Variants in PFKFB3 observed in about 807,000 individuals in gnomAD.
The protein encoded by PFKFB3 is 6-phosphofructo-2-kinase/fructose-2,6-bisphosphatase 3.
PFKFB3 carries 33 observed loss-of-function variants against 68.0 expected under a neutral mutation model. That is an observed-to-expected ratio of 0.49 (90% CI 0.37 to 0.65). The LOEUF (loss-of-function observed/expected upper bound fraction) is 0.65. Among genes scored for constraint, PFKFB3 ranks in the 30% least tolerant of loss-of-function variants. The probability of loss-of-function intolerance (pLI) is 0.00; values close to 1 mark genes in which losing one functional copy is unlikely to be tolerated. For missense variants in PFKFB3, 586 were observed against 712.2 expected (o/e 0.82, Z 2.02); for synonymous variants, 315 against 288.2 (o/e 1.09, Z -0.94).
chr10:6,299,100 T>C, the PFKFB3 span, among the ~76,000 whole-genome samples: 1 of 152,350 alleles, frequency 6.6e-6, no homozygotes, highest in Admixed American at 6.5e-5. Flanking sequence ...TTTCCTGGTG[T>C]TTCCTTTGTA....
At chr10:6,280,573 C>T in the PFKFB3 span, among the ~76,000 whole-genome samples, 2 of 152,174 alleles carry the variant, frequency 1.3e-5, no homozygotes, top group East Asian at 3.9e-4. Context: ...CAATCCTGGC[C>T]ATGGAATTTG....
chr10:6,292,456 T>G, the PFKFB3 span, among the ~76,000 whole-genome samples: 1 of 151,010 alleles, frequency 6.6e-6, no homozygotes, highest in Non-Finnish European at 1.5e-5. Context: ...AGCTAATTTT[T>G]TTGTATTTTT....
chr10:6,207,042 C>T (rs544968766), intron 1 of PFKFB3, among the ~76,000 whole-genome samples: 20 of 151,452 alleles, frequency 1.3e-4, no homozygotes, highest in East Asian at 3.9e-4. Context: ...GGGTGGCGGC[C>T]GGGCAGAGGC....
chr10:6,191,577 GC>G (rs950739080), intron 1 of PFKFB3, among the ~76,000 whole-genome samples: 1 of 152,102 alleles, frequency 6.6e-6, no homozygotes, highest in East Asian at 1.9e-4. Flanking sequence ...GGGGGCTCGG[GC>G]CCCCCCTAGA....
intron 4 of PFKFB3, among the ~76,000 whole-genome samples, chr10:6,216,403 G>A (rs537150412): frequency 6.6e-6 from 1 of 152,338 alleles, no homozygotes; most frequent in South Asian, 2.1e-4. Flanking sequence ...GGGCGGGCAG[G>A]ACTCGAGTTA....
chr10:6,228,687 A>G lies in PFKFB3; in HGVS notation c.1515+2322A>G, dbSNP rs997419936. On this transcript the variant is annotated intron_variant, in intron 14 of 14. Transcript: ENST00000379775. The surrounding 1 kb of genome is among the most constrained non-coding windows in gnomAD (Gnocchi z 4.5). ...AATCTGTAAACCAAACCTATGGGGA[A>G]TAGTGGGAGTGTGGTGGGGCCTGAG... Among the ~76,000 whole-genome samples the G allele has an allele frequency of 1.5e-4, 11 of 71,942 alleles. No homozygotes were observed. Among genetic ancestry groups the G allele is most frequent in the Admixed American group, 1.0e-3 (9 of 8,848 alleles). The allele number at this position is 71,942 out of a possible 152,430, so 47.2% of individuals were successfully genotyped here.
chr10:6,213,162 G>T (rs143856424), intron 1 of PFKFB3, among the ~76,000 whole-genome samples: 51 of 152,258 alleles, frequency 3.3e-4, no homozygotes, highest in African/African-American at 1.2e-3. Context: ...GGTGTGGCTG[G>T]GGGGCTGTGG....
the PFKFB3 span, among the ~76,000 whole-genome samples, chr10:6,292,843 C>A: frequency 0.031 from 4,716 of 152,232 alleles, 224 homozygotes; most frequent in African/African-American, 0.11. Context: ...TCCGGAAAAG[C>A]AACTATTCCA....
At chr10:6,314,720 G>C in the PFKFB3 span, among the ~76,000 whole-genome samples, 1 of 152,170 alleles carries the variant, frequency 6.6e-6, no homozygotes, top group Admixed American at 6.5e-5. Flanking sequence ...TAAGATAAGT[G>C]TCTGGAAGGG....
the PFKFB3 span, among the ~76,000 whole-genome samples, chr10:6,300,120 G>T: frequency 6.6e-6 from 1 of 151,864 alleles, no homozygotes; most frequent in Admixed American, 6.6e-5. Flanking sequence ...GCACTTACTG[G>T]TTCTGTGGTT....
exon 15 of PFKFB3, chr10:6,254,531 A>G (rs963513997): frequency 2.0e-5 from 8 of 395,608 alleles, no homozygotes; most frequent in African/African-American, 4.1e-5. Flanking sequence ...CCACTTTACA[A>G]TGATGCAAGA....
downstream of PFKFB3, among the ~76,000 whole-genome samples, chr10:6,255,413 C>T (rs951108740): frequency 1.4e-4 from 22 of 152,244 alleles, no homozygotes; most frequent in Admixed American, 9.8e-4. Context: ...CGTGAGCCAT[C>T]GCAACTGGCC....
chr10:6,299,968 C>CT, the PFKFB3 span, among the ~76,000 whole-genome samples: 28,889 of 48,572 alleles, frequency 0.59, 12,522 homozygotes, highest in Non-Finnish European at 0.75. Context: ...GTTCAGAAGA[C>CT]TTTTTTTTTT....
rs1411841437 is a variant in PFKFB3 at position 6,220,289 on chromosome 10, GATGAGGTCTTGCT to G, written c.624-365_624-353del. Among the ~76,000 whole-genome samples, 1 of 151,924 alleles carries G rather than the reference GATGAGGTCTTGCT, an allele frequency of 6.6e-6. No individual in the cohort carries two copies. The highest frequency in any genetic ancestry group is 1.9e-4 in the East Asian group (1 of 5,170). On this transcript the variant is annotated intron_variant, in intron 7 of 14. Coordinates refer to ENST00000379775, the MANE Select transcript of PFKFB3 (RefSeq NM_004566.4). The surrounding 1 kb of genome is among the most constrained non-coding windows in gnomAD (Gnocchi z 4.1). Reference sequence around the variant, plus strand: ...GCTAATTTTTTTTTTCTTTAGTAGAGATGAGGTCTTGCTATGTTGCCCAGGCTGGTCTTGAACT... The same window carrying G: ...GCTAATTTTTTTTTTCTTTAGTAGAGATGTTGCCCAGGCTGGTCTTGAACT...
At chr10:6,305,949 A>G in the PFKFB3 span, among the ~76,000 whole-genome samples, 1 of 152,186 alleles carries the variant, frequency 6.6e-6, no homozygotes, top group Non-Finnish European at 1.5e-5. Context: ...CCTTCTCCCC[A>G]GAGTGCTGAG....
At chr10:6,250,029 A>C (rs1193008319) in intron 14 of PFKFB3, among the ~76,000 whole-genome samples, 1 of 152,144 alleles carries the variant, frequency 6.6e-6, no homozygotes, top group East Asian at 1.9e-4. Flanking sequence ...TGCATTCCTA[A>C]AGGCTAAATC....
At chr10:6,271,010 G>T in the PFKFB3 span, among the ~76,000 whole-genome samples, 5 of 152,328 alleles carry the variant, frequency 3.3e-5, no homozygotes, top group South Asian at 1.0e-3. Flanking sequence ...TTTCTGAAAC[G>T]TGGGTTTGGA....
intron 4 of PFKFB3, among the ~76,000 whole-genome samples, 189 bp from the exon 5 acceptor site, chr10:6,216,517 T>C (rs868623840): frequency 6.6e-6 from 1 of 151,796 alleles, no homozygotes; most frequent in African/African-American, 2.4e-5. Context: ...CCCTGAGTGC[T>C]GTTGGTAGTT....
intron 1 of PFKFB3, among the ~76,000 whole-genome samples, chr10:6,190,594 G>A (rs1295677155): frequency 6.6e-6 from 1 of 152,022 alleles, no homozygotes; most frequent in Non-Finnish European, 1.5e-5. Flanking sequence ...TTGAGGCTGG[G>A]AATTTGAAAC....
Sources: allele counts gnomAD v4.1 joint callset (sites outside exome capture counted in the v4.1 genomes callset), GRCh38; gene constraint gnomAD v4.1.1; non-coding constraint Gnocchi (gnomAD v3.1); transcripts MANE v1.5; gene names NCBI Gene and HGNC (gene_info 2026-07-23, HGNC 2026-07-21).